PCDH7: variants seen among roughly 807,000 people sequenced by gnomAD.
The protein encoded by PCDH7 is protocadherin-7.
In PCDH7, 17 loss-of-function variants were observed where a neutral mutation model predicts 58.9. The ratio of observed to expected loss-of-function variants is 0.29; its 90% CI spans 0.20 to 0.43. The LOEUF is 0.43. PCDH7 is among the 20% of genes least tolerant of loss of function. The pLI, the probability that PCDH7 is intolerant of heterozygous loss-of-function variation, is 1.00. For synonymous variants in PCDH7, 664 were observed against 616.4 expected (o/e 1.08, Z -1.14); for missense variants, 1,274 against 1,441.0 (o/e 0.88, Z 1.88).
intron 1 of PCDH7, among the ~76,000 whole-genome samples, chr4:30,764,389 C>T (rs16884052): frequency 0.036 from 5,478 of 152,202 alleles, 239 homozygotes; most frequent in African/African-American, 0.1. Flanking sequence ...TTAGCATCAA[C>T]GAGCCATCCT....
intron 1 of PCDH7, among the ~76,000 whole-genome samples, chr4:30,909,626 G>T (rs1741459868): frequency 6.6e-6 from 1 of 152,128 alleles, no homozygotes; most frequent in Non-Finnish European, 1.5e-5. Context: ...CAAAGGATGT[G>T]AAGGACCTCT....
At chr4:30,767,482 G>T (rs1720902673) in intron 1 of PCDH7, among the ~76,000 whole-genome samples, 1 of 152,140 alleles carries the variant, frequency 6.6e-6, no homozygotes, top group African/African-American at 2.4e-5. Flanking sequence ...CACAGCCCGG[G>T]TATGTCTGTT....
intron 3 of PCDH7, among the ~76,000 whole-genome samples, chr4:30,980,163 C>A (rs1750425349): frequency 2.0e-5 from 3 of 152,156 alleles, no homozygotes; most frequent in African/African-American, 7.2e-5. Flanking sequence ...TGCCTATATT[C>A]ACTTCACGTA....
At chr4:31,130,687 G>A (rs759284842) in intron 3 of PCDH7, among the ~76,000 whole-genome samples, 5 of 152,164 alleles carry the variant, frequency 3.3e-5, no homozygotes, top group Non-Finnish European at 5.9e-5. Context: ...GGCTCAAGGG[G>A]AGAATCCGCT....
chr4:30,908,069 G>A (rs1019316742), intron 1 of PCDH7, among the ~76,000 whole-genome samples: 2 of 151,940 alleles, frequency 1.3e-5, no homozygotes, highest in East Asian at 3.9e-4. Context: ...TGGACACAGG[G>A]CAGGGAACAC....
chr4:30,779,673 A>G (rs1234562222), intron 1 of PCDH7, among the ~76,000 whole-genome samples: 1 of 152,200 alleles, frequency 6.6e-6, no homozygotes, highest in Non-Finnish European at 1.5e-5. Flanking sequence ...CCTATCTCAC[A>G]TTTACAAATT....
intron 3 of PCDH7, among the ~76,000 whole-genome samples, chr4:30,950,601 A>C (rs182568515): frequency 6.6e-6 from 1 of 152,328 alleles, no homozygotes; most frequent in East Asian, 1.9e-4. Flanking sequence ...ATTTTATTTC[A>C]AAATTTAATA....
intron 1 of PCDH7, among the ~76,000 whole-genome samples, chr4:30,862,653 G>A (rs1734348180): frequency 6.6e-6 from 1 of 152,044 alleles, no homozygotes. Flanking sequence ...GTCTTCCATT[G>A]CTGCAGATTT....
At chr4:30,816,213 A>C (rs1229932543) in intron 1 of PCDH7, among the ~76,000 whole-genome samples, 1 of 152,104 alleles carries the variant, frequency 6.6e-6, no homozygotes, top group African/African-American at 2.4e-5. Context: ...TTTAAAATAT[A>C]TTGTACTGTA....
chr4:30,837,204 G>T (rs935323523), intron 1 of PCDH7, among the ~76,000 whole-genome samples: 4 of 152,096 alleles, frequency 2.6e-5, no homozygotes, highest in Non-Finnish European at 4.4e-5. Flanking sequence ...GACCTGTGCA[G>T]AAATTATTAA....
At chr4:30,764,706 G>A (rs1248652309) in intron 1 of PCDH7, among the ~76,000 whole-genome samples, 4 of 99,064 alleles carry the variant, frequency 4.0e-5, no homozygotes, top group Non-Finnish European at 8.0e-5. Context: ...TTATATGTTT[G>A]GTGTTTGTTT....
chr4:30,724,466 G>T (rs765251128), exon 1 of PCDH7: 6 of 1,613,856 alleles, frequency 3.7e-6, no homozygotes, highest in Non-Finnish European at 5.1e-6. Context: ...CCAACTGCAG[G>T]AAAAAAACAC....
chr4:30,968,400 A>ATATT (rs1749239751), intron 3 of PCDH7, among the ~76,000 whole-genome samples: 1 of 54,628 alleles, frequency 1.8e-5, no homozygotes, highest in Non-Finnish European at 3.2e-5. Context: ...ATATATATAT[A>ATATT]TATATATATA....
chr4:31,013,302 C>T (rs752592183), intron 3 of PCDH7, among the ~76,000 whole-genome samples: 10 of 139,126 alleles, frequency 7.2e-5, no homozygotes, highest in Non-Finnish European at 1.4e-4. Flanking sequence ...ATATCTAAGA[C>T]TATATATGTA....
chr4:30,908,203 C>T (rs536310723), intron 1 of PCDH7, among the ~76,000 whole-genome samples: 1 of 149,108 alleles, frequency 6.7e-6, no homozygotes, highest in South Asian at 2.1e-4. Context: ...TGTAACAAAC[C>T]TGCACATTGT....
chr4:31,106,242 CTG>C (rs1294233140), intron 3 of PCDH7, among the ~76,000 whole-genome samples: 1 of 152,052 alleles, frequency 6.6e-6, no homozygotes, highest in Non-Finnish European at 1.5e-5. Context: ...GATCTTGTGT[CTG>C]TGCTAGGAAG....
At chr4:31,112,590 T>G (rs1716466730) in intron 3 of PCDH7, among the ~76,000 whole-genome samples, 1 of 152,144 alleles carries the variant, frequency 6.6e-6, no homozygotes, top group African/African-American at 2.4e-5. Flanking sequence ...AACAGGAATC[T>G]CAAATCCAAG....
chr4:30,914,875 C>T (rs1036906016), intron 1 of PCDH7, among the ~76,000 whole-genome samples: 8 of 152,130 alleles, frequency 5.3e-5, no homozygotes, highest in Non-Finnish European at 2.9e-5. Context: ...CTCTAGGTCA[C>T]GTAAGGTTTC....
intron 1 of PCDH7, among the ~76,000 whole-genome samples, chr4:30,826,183 C>T (rs4619848): frequency 0.6 from 91,634 of 152,002 alleles, 29,792 homozygotes; most frequent in African/African-American, 0.86. Context: ...AACACTACTG[C>T]TTATTTATTT....
Sources: gnomAD v4.1 joint callset for allele counts (sites outside exome capture counted in the v4.1 genomes callset) on GRCh38, gnomAD v4.1.1 for gene constraint, MANE v1.5 for transcripts, NCBI Gene and HGNC (gene_info 2026-07-23, HGNC 2026-07-21) for gene names.